Variants in AP3B1 observed in about 807,000 individuals in gnomAD.
The protein encoded by AP3B1 is AP-3 complex subunit beta-1.
AP3B1 carries 61 observed loss-of-function variants against 132.5 expected under a neutral mutation model. The ratio of observed to expected loss-of-function variants is 0.46; its 90% confidence interval spans 0.37 to 0.57. The LOEUF (loss-of-function observed/expected upper bound fraction) is 0.57, where lower values mean the gene tolerates loss of function less well. Ranked by LOEUF, AP3B1 falls within the 20% of genes least tolerant of loss-of-function variation. The probability of loss-of-function intolerance (pLI) is 0.00; values close to 1 mark genes in which losing one functional copy is unlikely to be tolerated. For synonymous variants in AP3B1, 388 were observed against 438.3 expected, an observed-to-expected ratio of 0.89 and a Z score of 1.43; for missense variants, 1,120 against 1,289.4, an observed-to-expected ratio of 0.87 and a Z score of 2.01.
At chr5:78,012,241 A>G (rs1373341290) in intron 26 of AP3B1, among the ~76,000 whole-genome samples, 1 of 152,050 alleles carries the variant, frequency 6.6e-6, no homozygotes, top group South Asian at 2.1e-4. Context: ...ATAGTTAAAA[A>G]CATTTATTTC....
intron 19 of AP3B1, among the ~76,000 whole-genome samples, chr5:78,112,917 G>C (rs974972171): frequency 1.3e-5 from 2 of 152,094 alleles, no homozygotes; most frequent in Admixed American, 1.3e-4. Context: ...TTCTGAACAG[G>C]AAAAACAATA....
chr5:78,186,424 G>A, intron 7 of AP3B1, among the ~76,000 whole-genome samples: 1 of 152,188 alleles, frequency 6.6e-6, no homozygotes, highest in East Asian at 1.9e-4. Context: ...CAGGGGTTAA[G>A]GGTTGGGAGT....
chr5:78,046,085 T>C (rs915114763), intron 22 of AP3B1, among the ~76,000 whole-genome samples: 3 of 152,240 alleles, frequency 2.0e-5, no homozygotes, highest in African/African-American at 7.2e-5. Flanking sequence ...GCACAAATGT[T>C]AGATCCTTGC....
At chr5:78,175,974 A>C in intron 9 of AP3B1, 136 bp from the exon 10 acceptor site, 1 of 729,108 alleles carries the variant, frequency 1.4e-6, no homozygotes, top group Non-Finnish European at 2.4e-6. Flanking sequence ...AAAAGTTTTT[A>C]GTAAATCTTA....
chr5:78,143,682 T>C (rs1264101241), intron 14 of AP3B1, among the ~76,000 whole-genome samples: 1 of 152,148 alleles, frequency 6.6e-6, no homozygotes, highest in African/African-American at 2.4e-5. Context: ...CTTTCAAAGA[T>C]TTGAAGCACC....
intron 17 of AP3B1, chr5:78,121,596 A>T (rs1752199480): frequency 1.3e-5 from 2 of 152,258 alleles, no homozygotes; most frequent in African/African-American, 4.8e-5. Context: ...AAAATCTAGA[A>T]GAAATGGATA....
chr5:78,167,611 A>G (rs975752333), intron 11 of AP3B1, among the ~76,000 whole-genome samples: 1 of 151,694 alleles, frequency 6.6e-6, no homozygotes, highest in Non-Finnish European at 1.5e-5. Flanking sequence ...CAACATGTGG[A>G]TAAAGAACAT....
chr5:78,071,971 A>G (rs1175274182), intron 22 of AP3B1, among the ~76,000 whole-genome samples: 1 of 152,208 alleles, frequency 6.6e-6, no homozygotes, highest in African/African-American at 2.4e-5. Context: ...ACTAGTTTAT[A>G]TTTACAAGAT....
chr5:78,182,342 G>A (rs556919139), intron 7 of AP3B1, among the ~76,000 whole-genome samples: 6 of 152,318 alleles, frequency 3.9e-5, no homozygotes, highest in Middle Eastern at 3.4e-3. Flanking sequence ...GGTAACTTCC[G>A]TTACCAAGTA....
At chr5:78,209,528 C>T (rs904664422) in intron 7 of AP3B1, among the ~76,000 whole-genome samples, 4 of 152,166 alleles carry the variant, frequency 2.6e-5, no homozygotes, top group African/African-American at 9.6e-5. Flanking sequence ...TCCTGCCTTT[C>T]CAGATTGAAC....
intron 22 of AP3B1, chr5:78,043,792 C>G (rs1748200176): frequency 1.0e-5 from 4 of 385,326 alleles, no homozygotes; most frequent in Admixed American, 3.0e-5. Context: ...GATATCTACA[C>G]TAGCCTGAAG....
intron 2 of AP3B1, among the ~76,000 whole-genome samples, chr5:78,248,100 G>GAT (rs1386141835): frequency 1.3e-5 from 2 of 152,116 alleles, no homozygotes; most frequent in Non-Finnish European, 2.9e-5. Flanking sequence ...CGGATTATCA[G>GAT]ATACATAGGT....
At chr5:78,119,703 T>A (rs1271505865) in intron 17 of AP3B1, among the ~76,000 whole-genome samples, 12 of 152,154 alleles carry the variant, frequency 7.9e-5, no homozygotes, top group Admixed American at 7.2e-4. Flanking sequence ...AAAGACCAAA[T>A]CTACGTCTCA....
At chr5:78,165,571 T>A (rs1743579006) in intron 12 of AP3B1, 39 bp downstream of exon 12, 1 of 1,405,236 alleles carries the variant, frequency 7.1e-7, no homozygotes, top group Non-Finnish European at 1.0e-6. Context: ...ACTGAACATA[T>A]GTTTTAGAAG....
intron 15 of AP3B1, among the ~76,000 whole-genome samples, chr5:78,133,392 T>G (rs959544951): frequency 3.3e-5 from 5 of 152,246 alleles, no homozygotes; most frequent in Non-Finnish European, 1.5e-5. Context: ...ACTGCACTTG[T>G]GTCTTAACAT....
intron 22 of AP3B1, among the ~76,000 whole-genome samples, chr5:78,052,080 T>C (rs1230683974): frequency 6.6e-6 from 1 of 152,202 alleles, no homozygotes; most frequent in African/African-American, 2.4e-5. Context: ...CGAAGAAATA[T>C]ATTTGAATCT....
intron 5 of AP3B1, among the ~76,000 whole-genome samples, 167 bp from the exon 6 acceptor site, chr5:78,225,775 T>C (rs1746375217): frequency 6.6e-6 from 1 of 152,014 alleles, no homozygotes; most frequent in South Asian, 2.1e-4. Flanking sequence ...TTCTCATGAA[T>C]GTGTCCTCAT....
At chr5:78,106,992 T>C (rs1181494941) in intron 20 of AP3B1, among the ~76,000 whole-genome samples, 3 of 152,196 alleles carry the variant, frequency 2.0e-5, no homozygotes, top group African/African-American at 7.2e-5. Context: ...ATAAATGTTT[T>C]AGCTGAAGCT....
chr5:78,144,901 A>G (rs1753318872), intron 14 of AP3B1, among the ~76,000 whole-genome samples: 1 of 151,980 alleles, frequency 6.6e-6, no homozygotes, highest in Non-Finnish European at 1.5e-5. Context: ...TGGTGCAATC[A>G]TTGCTCACTA....
Sources: gnomAD v4.1 joint callset for allele counts (sites outside exome capture counted in the v4.1 genomes callset) on GRCh38, gnomAD v4.1.1 for gene constraint, MANE v1.5 for transcripts, NCBI Gene and HGNC (gene_info 2026-07-23, HGNC 2026-07-21) for gene names.